TENM2: variants seen among roughly 807,000 people sequenced by gnomAD.
TENM2 encodes the protein teneurin transmembrane protein 2.
Under a neutral mutation model 245.2 loss-of-function variants are expected in TENM2, and 52 were observed. The observed-to-expected ratio is 0.21, with a 90% CI of 0.17 to 0.27. The LOEUF (loss-of-function observed/expected upper bound fraction) is 0.27. TENM2 is among the 10% of genes least tolerant of loss of function. TENM2 has a pLI of 1.00. For missense variants in TENM2, 3,046 were observed against 3,666.8 expected (o/e 0.83, Z 4.37); for synonymous variants, 1,363 against 1,438.9 (o/e 0.95, Z 1.19).
chr5:167,229,652 G>A, the TENM2 span, among the ~76,000 whole-genome samples: 14 of 152,262 alleles, frequency 9.2e-5, no homozygotes, highest in African/African-American at 2.6e-4. Flanking sequence ...ATGCCACTGC[G>A]GGTAGACTGG....
Position 168,058,506 on chromosome 5 carries a change from G to A in TENM2, c.1310-3554G>A, listed in dbSNP as rs80173769. Among the ~76,000 whole-genome samples the A allele has an allele frequency of 2.7e-3, 412 of 152,344 alleles. 2 individuals carry two copies. Among genetic ancestry groups the A allele is most frequent in the South Asian group, 8.7e-3 (42 of 4,830 alleles). Reference sequence around the variant, plus strand: ...ATAGAAACACAGAGAAAACAATTTTGTCTGGCTGAGGACAGTGGTTGGGGT... The same window carrying A: ...ATAGAAACACAGAGAAAACAATTTTATCTGGCTGAGGACAGTGGTTGGGGT... On this transcript the variant is annotated intron_variant, in intron 6 of 28. Transcript: ENST00000518659.
At chr5:168,158,825 G>GTA (rs1373189808) in intron 12 of TENM2, among the ~76,000 whole-genome samples, 87 of 83,998 alleles carry the variant, frequency 1.0e-3, no homozygotes, top group East Asian at 3.3e-3. Flanking sequence ...GTGTGTGTGT[G>GTA]TGTGTATATA....
At chr5:168,170,494 G>A (rs575507434) in intron 13 of TENM2, among the ~76,000 whole-genome samples, 126 of 152,020 alleles carry the variant, frequency 8.3e-4, no homozygotes, top group Non-Finnish European at 1.2e-3. Flanking sequence ...GTGACAGAGC[G>A]AGACTCCATC....
At chr5:167,166,600 G>A in the TENM2 span, among the ~76,000 whole-genome samples, 2 of 151,952 alleles carry the variant, frequency 1.3e-5, no homozygotes, top group Non-Finnish European at 2.9e-5. Context: ...CAGTTAGTTT[G>A]GGTCATCCCT....
At chr5:168,080,442 C>A (rs1468933835) in intron 7 of TENM2, among the ~76,000 whole-genome samples, 2 of 152,182 alleles carry the variant, frequency 1.3e-5, no homozygotes, top group Non-Finnish European at 2.9e-5. Flanking sequence ...CAGTTCTGCT[C>A]TGATCTTAGT....
chr5:167,815,972 TTGTGTGTGTGTGTGTGTGTGTG>T (rs34151147), intron 2 of TENM2, among the ~76,000 whole-genome samples: 6 of 144,020 alleles, frequency 4.2e-5, no homozygotes, highest in South Asian at 2.3e-4. Context: ...TTATGATCCT[TTGTGTGTGTGTGTGTGTGTGTG>T]TGTGTGTGTG....
chr5:167,836,099 C>T lies in TENM2; in HGVS notation c.503-39887C>T, dbSNP rs141644890. ...AGTTACTTTCTACACAAGATAGCAA[C>T]GTTGTTTTTAAGTAAGTTTTATTAA... On this transcript the variant is annotated intron_variant, in intron 2 of 28. Transcript: ENST00000518659. 5.0e-3 allele frequency among the ~76,000 whole-genome samples: 757 copies of T among 152,200 alleles called. 10 individuals are homozygous for T. The highest frequency in any genetic ancestry group is 0.015 in the African/African-American group (638 of 41,518).
At chr5:167,601,223 C>G (rs1776612032) in intron 2 of TENM2, among the ~76,000 whole-genome samples, 1 of 152,202 alleles carries the variant, frequency 6.6e-6, no homozygotes, top group Admixed American at 6.5e-5. Flanking sequence ...GGAGAGTGTT[C>G]AATAGAACGT....
At chr5:167,696,725 G>T (rs1757792211) in intron 2 of TENM2, among the ~76,000 whole-genome samples, 1 of 152,144 alleles carries the variant, frequency 6.6e-6, no homozygotes, top group African/African-American at 2.4e-5. Context: ...TTAGCGCGAA[G>T]GCCCTGCTTG....
chr5:167,326,008 T>C (rs1202578929), intron 1 of TENM2, among the ~76,000 whole-genome samples: 3 of 152,152 alleles, frequency 2.0e-5, no homozygotes, highest in Non-Finnish European at 4.4e-5. Context: ...AAGATCTCTC[T>C]GGAAAGGGGA....
chr5:167,514,312 C>A (rs1247845872), intron 2 of TENM2, among the ~76,000 whole-genome samples: 1 of 152,112 alleles, frequency 6.6e-6, no homozygotes, highest in Non-Finnish European at 1.5e-5. Flanking sequence ...TGAACACGGC[C>A]CCATCACCTT....
At chr5:167,560,644 G>A (rs1030103089) in intron 2 of TENM2, among the ~76,000 whole-genome samples, 5 of 152,128 alleles carry the variant, frequency 3.3e-5, no homozygotes, top group African/African-American at 1.2e-4. Flanking sequence ...CTATCTCATA[G>A]GTTTGTTTTT....
intron 2 of TENM2, among the ~76,000 whole-genome samples, chr5:167,485,939 A>G (rs1330718052): frequency 2.6e-5 from 4 of 152,162 alleles, no homozygotes; most frequent in African/African-American, 9.7e-5. Flanking sequence ...GCCTTCATCT[A>G]TGTGCACACA....
chr5:167,391,231 G>A (rs1761734441), intron 2 of TENM2, among the ~76,000 whole-genome samples: 1 of 152,054 alleles, frequency 6.6e-6, no homozygotes, highest in Non-Finnish European at 1.5e-5. Flanking sequence ...AAATGGTGTA[G>A]CCTTCACCAA....
intron 2 of TENM2, among the ~76,000 whole-genome samples, chr5:167,619,201 T>C (rs903568255): frequency 6.6e-6 from 1 of 152,132 alleles, no homozygotes; most frequent in East Asian, 1.9e-4. Context: ...CCATTTGTTT[T>C]CTCATCACTG....
At chr5:167,250,257 G>C in the TENM2 span, among the ~76,000 whole-genome samples, 7 of 152,080 alleles carry the variant, frequency 4.6e-5, no homozygotes, top group Non-Finnish European at 7.4e-5. Flanking sequence ...AGAGATCAAA[G>C]CTGCAGTAAG....
At chr5:168,242,918 C>G (rs1332096948) in intron 25 of TENM2, among the ~76,000 whole-genome samples, 2 of 151,554 alleles carry the variant, frequency 1.3e-5, no homozygotes, top group Admixed American at 6.6e-5. Context: ...GATTGCACCA[C>G]TGCACTCCAG....
intron 2 of TENM2, among the ~76,000 whole-genome samples, chr5:167,871,828 C>A (rs937007195): frequency 3.9e-5 from 6 of 152,078 alleles, no homozygotes; most frequent in African/African-American, 1.2e-4. Context: ...CCACACTGAG[C>A]ATTTCTGTAA....
the TENM2 span, among the ~76,000 whole-genome samples, chr5:166,988,536 T>A: frequency 2.0e-5 from 3 of 152,314 alleles, no homozygotes; most frequent in East Asian, 5.8e-4. Flanking sequence ...ACAGAATACA[T>A]CTGTGCAATT....
Sources: gnomAD v4.1 joint callset for allele counts (sites outside exome capture counted in the v4.1 genomes callset) on GRCh38, gnomAD v4.1.1 for gene constraint, MANE v1.5 for transcripts, NCBI Gene and HGNC (gene_info 2026-07-23, HGNC 2026-07-21) for gene names.